DNAH3: variants seen among roughly 807,000 people sequenced by gnomAD.
DNAH3 encodes axonemal beta dynein heavy chain 3.
A neutral mutation model predicts 432.5 loss-of-function variants in DNAH3; 332 were observed. The observed-to-expected ratio is 0.77, with a 90% confidence interval of 0.70 to 0.84. The LOEUF is 0.84. Among genes scored for constraint, DNAH3 ranks in the 40% least tolerant of loss-of-function variants. The probability of loss-of-function intolerance (pLI) is 0.00; values close to 1 mark genes in which losing one functional copy is unlikely to be tolerated. For synonymous variants in DNAH3, 1,956 were observed against 1,900.2 expected, an observed-to-expected ratio of 1.03 and a Z score of -0.76; for missense variants, 4,861 against 5,114.0, an observed-to-expected ratio of 0.95 and a Z score of 1.51.
At chr16:21,001,689 G>A (rs1234474670) in intron 42 of DNAH3, among the ~76,000 whole-genome samples, 4 of 152,130 alleles carry the variant, frequency 2.6e-5, no homozygotes, top group Non-Finnish European at 5.9e-5. Flanking sequence ...AACCTTCTAA[G>A]GCAGGTATGT....
intron 51 of DNAH3, among the ~76,000 whole-genome samples, chr16:20,970,302 T>C (rs2085280114): frequency 6.6e-6 from 1 of 152,140 alleles, no homozygotes; most frequent in Admixed American, 6.6e-5. Flanking sequence ...ACGTGGTGGA[T>C]CACTTGAGGT....
intron 32 of DNAH3, among the ~76,000 whole-genome samples, chr16:21,041,378 AAG>A (rs372330893): frequency 6.6e-5 from 10 of 152,102 alleles, no homozygotes; most frequent in Admixed American, 1.3e-4. Context: ...CTCAAAAAAA[AAG>A]AGAGAGAGAA....
At chr16:20,967,709 T>C (rs2085127848) in intron 52 of DNAH3, among the ~76,000 whole-genome samples, 3 of 151,870 alleles carry the variant, frequency 2.0e-5, no homozygotes, top group South Asian at 4.2e-4. Flanking sequence ...GATTTCACCA[T>C]GTTGGCCAGG....
rs139076305 is a variant in DNAH3 at position 21,140,584 on chromosome 16, C to T, written c.648G>A (p.Glu216=). ...TCTTTTCTTTACTTTCCATTTCCAT[C>T]TCCTGCTGTAACATGACATCGAGCT... The change falls in exon 5 of 62, where the codon GAG becomes GAA. Residue 216 remains glutamate, a synonymous_variant. Transcript: ENST00000261383. 6.5e-4 allele frequency: 1,057 copies of T among 1,614,120 alleles called. 14 individuals are homozygous for T. The Admixed American group carries it at 0.016, about 25-fold the overall frequency.
At chr16:21,083,252 G>A (rs938550250) in intron 19 of DNAH3, among the ~76,000 whole-genome samples, 6 of 152,086 alleles carry the variant, frequency 3.9e-5, no homozygotes, top group African/African-American at 1.4e-4. Flanking sequence ...CTGACCTCAG[G>A]TGATTTGTCT....
At chr16:20,985,425 C>A (rs753312712) in exon 48 of DNAH3, 21 of 1,614,060 alleles carry the variant, frequency 1.3e-5, no homozygotes, top group Admixed American at 1.2e-4. Flanking sequence ...CACTTTGCCG[C>A]CCGCTGCCCC....
At chr16:21,000,716 T>C (rs1337302840) in intron 42 of DNAH3, among the ~76,000 whole-genome samples, 198 bp from the exon 43 acceptor site, 1 of 152,220 alleles carries the variant, frequency 6.6e-6, no homozygotes, top group Non-Finnish European at 1.5e-5. Context: ...TTCACAGAGC[T>C]GGCTTGAGGA....
chr16:21,067,758 G>GAGGGGGGGGT (rs1491349300), intron 23 of DNAH3, among the ~76,000 whole-genome samples: 531 of 25,354 alleles, frequency 0.021, 55 homozygotes, highest in East Asian at 0.16. Context: ...AGCCAGTCTT[G>GAGGGGGGGGT]GGGGGGGGGG....
At chr16:20,951,809 C>T (rs1239555745) in intron 56 of DNAH3, among the ~76,000 whole-genome samples, 6 of 135,026 alleles carry the variant, frequency 4.4e-5, no homozygotes, top group Non-Finnish European at 6.1e-5. Flanking sequence ...GGCGCAATTT[C>T]AGTTCACTGC....
At chr16:20,946,928 G>A (rs1381420198) in intron 57 of DNAH3, among the ~76,000 whole-genome samples, 3 of 147,864 alleles carry the variant, frequency 2.0e-5, no homozygotes, top group South Asian at 4.4e-4. Context: ...GGGCTCAAGC[G>A]ATCTTCCCAC....
At chr16:21,134,204 T>G in intron 7 of DNAH3, 55 bp downstream of exon 8, 9 of 1,547,644 alleles carry the variant, frequency 5.8e-6, no homozygotes, top group Non-Finnish European at 7.9e-6. Context: ...TAGGCTTGCT[T>G]ACACGTGGAT....
At chr16:21,100,337 G>A (rs370727698) in intron 16 of DNAH3, among the ~76,000 whole-genome samples, 5 of 152,296 alleles carry the variant, frequency 3.3e-5, no homozygotes, top group South Asian at 4.1e-4. Flanking sequence ...CTCCCAAAGT[G>A]CTGGGATTAC....
intron 41 of DNAH3, among the ~76,000 whole-genome samples, chr16:21,006,382 A>C (rs1376854839): frequency 6.6e-6 from 1 of 152,220 alleles, no homozygotes; most frequent in Non-Finnish European, 1.5e-5. Context: ...ATATAATCCA[A>C]CTAGTTCAAG....
At chr16:20,958,096 A>G (rs1596951469) in intron 54 of DNAH3, among the ~76,000 whole-genome samples, 2 of 148,910 alleles carry the variant, frequency 1.3e-5, no homozygotes, top group Admixed American at 1.3e-4. Flanking sequence ...TTTTTGAGAC[A>G]GGGTCTCACT....
intron 52 of DNAH3, among the ~76,000 whole-genome samples, chr16:20,965,709 T>G (rs966635626): frequency 2.0e-5 from 3 of 152,142 alleles, no homozygotes; most frequent in Non-Finnish European, 4.4e-5. Flanking sequence ...GGCCTCATTT[T>G]ATTTATTCAT....
chr16:21,133,647 G>C (rs2152822754), intron 7 of DNAH3, among the ~76,000 whole-genome samples: 1 of 152,056 alleles, frequency 6.6e-6, no homozygotes, highest in East Asian at 1.9e-4. Context: ...GGTTGAGACA[G>C]GAGAATCGCT....
At chr16:21,107,466 C>T (rs1382403710) in intron 14 of DNAH3, among the ~76,000 whole-genome samples, 1 of 152,036 alleles carries the variant, frequency 6.6e-6, no homozygotes, top group Non-Finnish European at 1.5e-5. Context: ...TCTTGAACTC[C>T]TGACCTCAGG....
chr16:20,969,274 GTGCA>G (rs1228382737), intron 52 of DNAH3, among the ~76,000 whole-genome samples: 1 of 150,308 alleles, frequency 6.7e-6, no homozygotes, highest in African/African-American at 2.4e-5. Context: ...ATGTCTCTGT[GTGCA>G]TGCATGTGTG....
chr16:21,048,748 C>A (rs1475600410), intron 31 of DNAH3, among the ~76,000 whole-genome samples: 1 of 151,462 alleles, frequency 6.6e-6, no homozygotes, highest in Non-Finnish European at 1.5e-5. Context: ...GCCTGGAGTG[C>A]AATGGTTAGA....
Sources: gnomAD v4.1 joint callset for allele counts (sites outside exome capture counted in the v4.1 genomes callset) on GRCh38, gnomAD v4.1.1 for gene constraint, MANE v1.5 for transcripts, NCBI Gene and HGNC (gene_info 2026-07-23, HGNC 2026-07-21) for gene names.